Variants in LINGO2 observed in about 807,000 individuals in gnomAD.
LINGO2 encodes leucine-rich repeat and immunoglobulin-like domain-containing nogo receptor-interacting protein 2.
Under a neutral mutation model 30.6 loss-of-function variants are expected in LINGO2, and 14 were observed. The ratio of observed to expected loss-of-function variants is 0.46; its 90% CI spans 0.30 to 0.72. The LOEUF (loss-of-function observed/expected upper bound fraction) is 0.72. Ranked by LOEUF, LINGO2 falls within the 30% of genes least tolerant of loss-of-function variation. LINGO2 has a pLI of 0.07. For synonymous variants in LINGO2, 317 were observed against 288.5 expected (o/e 1.10, Z -1.00); for missense variants, 729 against 751.7 (o/e 0.97, Z 0.35).
intron 3 of LINGO2, among the ~76,000 whole-genome samples, chr9:28,361,280 ATTG>A (rs1448310020): frequency 6.6e-6 from 1 of 152,132 alleles, no homozygotes; most frequent in African/African-American, 2.4e-5. Flanking sequence ...ATTATTAGTT[ATTG>A]TTGTTCATCT....
chr9:28,811,935 G>T, the LINGO2 span, among the ~76,000 whole-genome samples: 2,913 of 152,182 alleles, frequency 0.019, 97 homozygotes, highest in African/African-American at 0.065. Flanking sequence ...CACAATGGGT[G>T]CATAGTAGGC....
At chr9:29,092,427 T>C in the LINGO2 span, among the ~76,000 whole-genome samples, 1 of 152,002 alleles carries the variant, frequency 6.6e-6, no homozygotes, top group South Asian at 2.1e-4. Context: ...CATAAACCAA[T>C]TATTGGCTGT....
intron 2 of LINGO2, among the ~76,000 whole-genome samples, chr9:28,382,302 T>C (rs1821387883): frequency 6.6e-6 from 1 of 152,140 alleles, no homozygotes; most frequent in Non-Finnish European, 1.5e-5. Flanking sequence ...AAATCCCAAA[T>C]GTCTAGAATT....
At chr9:28,220,793 C>G (rs909212121) in intron 4 of LINGO2, among the ~76,000 whole-genome samples, 2 of 151,776 alleles carry the variant, frequency 1.3e-5, no homozygotes, top group African/African-American at 2.4e-5. Context: ...GCCACTAAGT[C>G]CATGCCAGAT....
At chr9:28,178,798 T>G (rs927108481) in intron 4 of LINGO2, among the ~76,000 whole-genome samples, 18 of 152,170 alleles carry the variant, frequency 1.2e-4, no homozygotes, top group African/African-American at 4.3e-4. Flanking sequence ...GCTGGAAGAT[T>G]TCCAATCCAT....
chr9:28,602,842 C>T (rs567433763), intron 1 of LINGO2, among the ~76,000 whole-genome samples: 3 of 152,124 alleles, frequency 2.0e-5, no homozygotes, highest in South Asian at 2.1e-4. Flanking sequence ...ACAAAACAAT[C>T]GCATAATCTG....
At chr9:27,940,435 A>G in the LINGO2 span, 1 of 152,186 alleles carries the variant, frequency 6.6e-6, no homozygotes, top group Non-Finnish European at 1.5e-5. Flanking sequence ...ATTTTCCACC[A>G]GTCAGTGGCA....
intron 4 of LINGO2, among the ~76,000 whole-genome samples, chr9:28,145,393 G>A (rs941580796): frequency 6.6e-6 from 1 of 152,090 alleles, no homozygotes; most frequent in Non-Finnish European, 1.5e-5. Flanking sequence ...GTTGCAAAAC[G>A]GGAAGTAGCC....
chr9:28,549,815 T>C (rs1822179033), intron 1 of LINGO2, among the ~76,000 whole-genome samples: 1 of 151,900 alleles, frequency 6.6e-6, no homozygotes, highest in African/African-American at 2.4e-5. Flanking sequence ...AACATATTCA[T>C]CCATTTTGTT....
intron 1 of LINGO2, among the ~76,000 whole-genome samples, chr9:28,624,202 A>G (rs1221566721): frequency 6.6e-6 from 1 of 152,026 alleles, no homozygotes; most frequent in African/African-American, 2.4e-5. Flanking sequence ...TAGGAATTCT[A>G]GTATTATGTT....
chr9:28,330,745 C>T (rs562018792), intron 3 of LINGO2, among the ~76,000 whole-genome samples: 1 of 152,238 alleles, frequency 6.6e-6, no homozygotes, highest in African/African-American at 2.4e-5. Context: ...CTTTTAACAT[C>T]CTGTTTCTTT....
chr9:28,717,715 T>C, the LINGO2 span, among the ~76,000 whole-genome samples: 47,093 of 151,686 alleles, frequency 0.31, 7,624 homozygotes, highest in Admixed American at 0.44. Flanking sequence ...ATCCCTCCTG[T>C]CTCTTCTTAC....
chr9:29,180,607 CT>C, the LINGO2 span, among the ~76,000 whole-genome samples: 1 of 152,136 alleles, frequency 6.6e-6, no homozygotes, highest in Admixed American at 6.5e-5. Context: ...GTTTCTCCCC[CT>C]ATATGTGATC....
intron 1 of LINGO2, among the ~76,000 whole-genome samples, chr9:28,554,147 C>A (rs532270103): frequency 0.13 from 19,588 of 151,038 alleles, 2,163 homozygotes; most frequent in African/African-American, 0.3. Context: ...CACACATAAC[C>A]ATATTAACTT....
intron 3 of LINGO2, among the ~76,000 whole-genome samples, chr9:28,308,286 A>C (rs1824454609): frequency 7.7e-6 from 1 of 130,618 alleles, no homozygotes; most frequent in African/African-American, 2.6e-5. Flanking sequence ...GCATATCCAC[A>C]ACTATCTGAT....
At chr9:28,837,170 T>C in the LINGO2 span, among the ~76,000 whole-genome samples, 4 of 152,214 alleles carry the variant, frequency 2.6e-5, no homozygotes, top group Non-Finnish European at 4.4e-5. Flanking sequence ...AAAAGGATGC[T>C]TTCTCAAAAG....
chr9:28,445,538 T>C (rs1824389471), intron 2 of LINGO2, among the ~76,000 whole-genome samples: 1 of 152,238 alleles, frequency 6.6e-6, no homozygotes, highest in African/African-American at 2.4e-5. Flanking sequence ...TCACCATCTA[T>C]AGTGGTCTAT....
chr9:28,590,724 T>C (rs1282306069), intron 1 of LINGO2, among the ~76,000 whole-genome samples: 1 of 152,130 alleles, frequency 6.6e-6, no homozygotes, highest in Non-Finnish European at 1.5e-5. Context: ...TGTAAACTAG[T>C]TCAACCACTG....
intron 5 of LINGO2, among the ~76,000 whole-genome samples, chr9:28,002,345 G>C (rs1359535041): frequency 1.3e-5 from 2 of 151,772 alleles, no homozygotes; most frequent in Admixed American, 6.6e-5. Context: ...ATCAGCAAGT[G>C]GTTCTAAATT....
Sources: gnomAD v4.1 joint callset for allele counts (sites outside exome capture counted in the v4.1 genomes callset) on GRCh38, gnomAD v4.1.1 for gene constraint, MANE v1.5 for transcripts, NCBI Gene and HGNC (gene_info 2026-07-23, HGNC 2026-07-21) for gene names.